Variants in PCDH9 observed in about 807,000 individuals in gnomAD.
PCDH9 encodes protocadherin-9.
PCDH9 carries 24 observed loss-of-function variants against 70.6 expected under a neutral mutation model. The ratio of observed to expected loss-of-function variants is 0.34; its 90% CI spans 0.25 to 0.48. The LOEUF (loss-of-function observed/expected upper bound fraction) is 0.48, where lower values mean the gene tolerates loss of function less well. Ranked by LOEUF, PCDH9 falls within the 20% of genes least tolerant of loss-of-function variation. The probability of loss-of-function intolerance (pLI) is 0.99; values close to 1 mark genes in which losing one functional copy is unlikely to be tolerated. For synonymous variants in PCDH9, 562 were observed against 558.5 expected (o/e 1.01, Z -0.09); for missense variants, 1,281 against 1,503.6 (o/e 0.85, Z 2.45).
chr13:66,997,957 C>G (rs1014161003), intron 2 of PCDH9, among the ~76,000 whole-genome samples: 2 of 152,112 alleles, frequency 1.3e-5, no homozygotes, highest in African/African-American at 4.8e-5. Context: ...GAGGATGAAA[C>G]CTGTCAGTTT....
chr13:67,088,867 T>G (rs1359792498), intron 2 of PCDH9, among the ~76,000 whole-genome samples: 1 of 152,034 alleles, frequency 6.6e-6, no homozygotes, highest in Non-Finnish European at 1.5e-5. Flanking sequence ...GCAGTTCAAG[T>G]CTCTGACACT....
intron 3 of PCDH9, among the ~76,000 whole-genome samples, chr13:66,885,796 T>C (rs1397815224): frequency 1.3e-5 from 2 of 152,154 alleles, no homozygotes; most frequent in African/African-American, 4.8e-5. Context: ...TGATAGTAAA[T>C]GGAGATCTCT....
intron 3 of PCDH9, among the ~76,000 whole-genome samples, chr13:66,808,142 A>T (rs79499192): frequency 0.013 from 2,036 of 152,310 alleles, 37 homozygotes; most frequent in African/African-American, 0.046. Flanking sequence ...AATAACAAAA[A>T]ATATGTAGAG....
intron 2 of PCDH9, among the ~76,000 whole-genome samples, chr13:67,012,989 A>G (rs1486021053): frequency 6.6e-6 from 1 of 151,860 alleles, no homozygotes; most frequent in Non-Finnish European, 1.5e-5. Flanking sequence ...TAAGACTCAG[A>G]CAATGTGTCA....
intron 3 of PCDH9, among the ~76,000 whole-genome samples, chr13:66,840,633 A>C (rs2081100533): frequency 6.6e-6 from 1 of 152,360 alleles, no homozygotes; most frequent in South Asian, 2.1e-4. Flanking sequence ...CAAGGAGGCA[A>C]AAACCTAAAC....
Position 66,803,149 on chromosome 13 carries a change from G to C in PCDH9, c.3138+100355C>G, listed in dbSNP as rs372963367. 5.3e-5 allele frequency among the ~76,000 whole-genome samples: 8 copies of C among 152,264 alleles called. 1 individual carries two copies. The highest frequency in any genetic ancestry group is 1.9e-4 in the African/African-American group (8 of 41,564). ...TAATTATGATGTCAGCCTCTCTAGAGGGGGCATCCTGTCCCTAGAGGTATA... is the reference window on the plus strand; with the variant it reads ...TAATTATGATGTCAGCCTCTCTAGACGGGGCATCCTGTCCCTAGAGGTATA... On this transcript the variant is annotated intron_variant, in intron 3 of 4. Coordinates refer to ENST00000377865, the MANE Select transcript of PCDH9 (RefSeq NM_203487.3).
intron 4 of PCDH9, among the ~76,000 whole-genome samples, chr13:66,407,714 G>T (rs1957303507): frequency 6.6e-6 from 1 of 152,086 alleles, no homozygotes; most frequent in Non-Finnish European, 1.5e-5. Flanking sequence ...AACTTATTAT[G>T]TTGAGCATTT....
intron 3 of PCDH9, among the ~76,000 whole-genome samples, chr13:66,843,540 C>T (rs543619961): frequency 1.3e-5 from 2 of 152,324 alleles, no homozygotes; most frequent in African/African-American, 2.4e-5. Context: ...TCCGGACAAA[C>T]GTCTTCACCT....
chr13:67,093,070 T>C (rs1239101457), intron 2 of PCDH9, among the ~76,000 whole-genome samples: 2 of 152,240 alleles, frequency 1.3e-5, no homozygotes, highest in Non-Finnish European at 2.9e-5. Context: ...AAATATCACT[T>C]GTTGCCGTCT....
chr13:66,758,680 C>A (rs6562474), intron 3 of PCDH9, among the ~76,000 whole-genome samples: 1 of 151,558 alleles, frequency 6.6e-6, no homozygotes, highest in African/African-American at 2.4e-5. Flanking sequence ...TATATGAAAG[C>A]GTTTGAGAAT....
chr13:67,213,206 C>CCAAAAAAAAAAAAAAAAA (rs2089507616), intron 2 of PCDH9: 1 of 20,538 alleles, frequency 4.9e-5, no homozygotes, highest in African/African-American at 1.7e-4. Flanking sequence ...GACTCCGTCA[C>CCAAAAAAAAAAAAAAAAA]AAAAAAAAAA....
chr13:66,867,701 C>A, intron 3 of PCDH9, among the ~76,000 whole-genome samples: 1 of 151,970 alleles, frequency 6.6e-6, no homozygotes, highest in East Asian at 1.9e-4. Flanking sequence ...TTTGCTATTA[C>A]CAAAAAGTAA....
At chr13:66,653,924 T>G (rs2077888586) in intron 3 of PCDH9, among the ~76,000 whole-genome samples, 1 of 146,976 alleles carries the variant, frequency 6.8e-6, no homozygotes, top group African/African-American at 2.5e-5. Flanking sequence ...GCTGAGATCG[T>G]GCCACTGCAC....
chr13:66,561,233 C>T (rs1288738642), intron 4 of PCDH9, among the ~76,000 whole-genome samples: 1 of 152,224 alleles, frequency 6.6e-6, no homozygotes, highest in Non-Finnish European at 1.5e-5. Context: ...CTCAATTTCT[C>T]ACCGGGCCTT....
intron 3 of PCDH9, among the ~76,000 whole-genome samples, chr13:66,683,912 C>T (rs1459424014): frequency 6.6e-6 from 1 of 152,250 alleles, no homozygotes; most frequent in East Asian, 1.9e-4. Flanking sequence ...AGTGTACTCC[C>T]TCATATAATT....
At chr13:66,877,424 T>C (rs577512684) in intron 3 of PCDH9, among the ~76,000 whole-genome samples, 1 of 152,012 alleles carries the variant, frequency 6.6e-6, no homozygotes, top group South Asian at 2.1e-4. Flanking sequence ...CCTCAAACTT[T>C]CAAAGGTTCC....
intron 3 of PCDH9, among the ~76,000 whole-genome samples, chr13:66,782,505 A>C (rs1480559332): frequency 6.6e-6 from 1 of 152,178 alleles, no homozygotes; most frequent in African/African-American, 2.4e-5. Flanking sequence ...ATGTGCTCTA[A>C]GTGTAAAATA....
At chr13:66,570,822 A>C (rs1022061838) in intron 4 of PCDH9, among the ~76,000 whole-genome samples, 19 of 152,076 alleles carry the variant, frequency 1.2e-4, no homozygotes, top group Admixed American at 7.2e-4. Context: ...TATTTATTTC[A>C]TTTGTCATTA....
intron 4 of PCDH9, among the ~76,000 whole-genome samples, chr13:66,533,996 TG>T (rs935852482): frequency 2.6e-5 from 4 of 152,318 alleles, no homozygotes; most frequent in East Asian, 1.9e-4. Flanking sequence ...ACACTTCCTT[TG>T]TTTTTATTCC....
Sources: gnomAD v4.1 joint callset for allele counts (sites outside exome capture counted in the v4.1 genomes callset) on GRCh38, gnomAD v4.1.1 for gene constraint, MANE v1.5 for transcripts, NCBI Gene and HGNC (gene_info 2026-07-23, HGNC 2026-07-21) for gene names.